TIAM1: variants seen among roughly 807,000 people sequenced by gnomAD.
TIAM1 encodes TIAM Rac1 associated GEF 1, also known as rho guanine nucleotide exchange factor TIAM1.
In TIAM1, 65 loss-of-function variants were observed where a neutral mutation model predicts 163.5. The observed-to-expected ratio is 0.40, with a 90% CI of 0.33 to 0.49. The LOEUF is 0.49. Among genes scored for constraint, TIAM1 ranks in the 20% least tolerant of loss-of-function variants. TIAM1 has a pLI of 0.77. For missense variants in TIAM1, 1,789 were observed against 2,044.7 expected (o/e 0.87, Z 2.41); for synonymous variants, 833 against 810.1 (o/e 1.03, Z -0.48).
chr21:31,507,518 C>A (rs2047073661), intron 1 of TIAM1, among the ~76,000 whole-genome samples: 1 of 151,900 alleles, frequency 6.6e-6, no homozygotes, highest in African/African-American at 2.4e-5. Flanking sequence ...TGTCTGGTCC[C>A]TTTTAAAATT....
Position 31,255,963 on chromosome 21 carries a change from A to C in TIAM1, c.964-3774T>G, listed in dbSNP as rs543943943. ...TTGCCATTCCACTGGCAGCTTCCCCAAAAAATGAATGTATGCACAAGTGGC... is the reference window on the plus strand; with the variant it reads ...TTGCCATTCCACTGGCAGCTTCCCCCAAAAATGAATGTATGCACAAGTGGC... On this transcript the variant is annotated intron_variant, in intron 4 of 27. Transcript: ENST00000541036. Among the ~76,000 whole-genome samples the C allele has an allele frequency of 4.9e-4, 74 of 152,308 alleles. 2 individuals are homozygous for C. In the South Asian group the frequency reaches 0.012, roughly 25 times the overall value.
chr21:31,338,092 C>A (rs931387662), intron 2 of TIAM1, among the ~76,000 whole-genome samples: 2 of 152,130 alleles, frequency 1.3e-5, no homozygotes, highest in Non-Finnish European at 2.9e-5. Context: ...CGTGTCCAGA[C>A]AGCCCTTGAA....
At position 31,395,954 on chromosome 21, in the gene TIAM1, T is replaced by C. The variant is rs1280566235; in HGVS notation, c.-368-56532A>G. 2.0e-5 allele frequency among the ~76,000 whole-genome samples: 3 copies of C among 152,248 alleles called. No individual in the cohort carries two copies. The highest frequency in any genetic ancestry group is 7.2e-5 in the African/African-American group (3 of 41,542). On this transcript the variant is annotated intron_variant, in intron 2 of 28. Transcript: ENST00000286827. This position sits in a 1 kb window ranked among gnomAD's most constrained non-coding sequence, Gnocchi z 7.5. The stretch of plus-strand genomic sequence containing the variant: ...ATCATTCTTCCTCTAGATTTAAAAT[T>C]CAACAGGAACATGGCTTTTTTCCTC...
chr21:31,463,229 G>A (rs868801264), intron 2 of TIAM1, among the ~76,000 whole-genome samples: 2 of 152,294 alleles, frequency 1.3e-5, no homozygotes, highest in Admixed American at 6.5e-5. Flanking sequence ...CCGAAGGGCC[G>A]AGAAGAGCCC....
upstream of TIAM1, chr21:31,559,053 G>A (rs902923360): frequency 6.6e-6 from 1 of 151,938 alleles, no homozygotes; most frequent in African/African-American, 2.4e-5. Flanking sequence ...CGGCGGCGCT[G>A]CTCTGCCGGC....
chr21:31,183,180 G>T (rs780405091), intron 14 of TIAM1, among the ~76,000 whole-genome samples: 1 of 152,194 alleles, frequency 6.6e-6, no homozygotes, highest in Non-Finnish European at 1.5e-5. Context: ...ACAGTTTCAA[G>T]AACCCAATGC....
In TIAM1 at chr21:31,124,405, A is replaced by C. The variant is rs903850125; in HGVS notation, c.4306+117T>G. 191 of 1,422,346 alleles carry C rather than the reference A, an allele frequency of 1.3e-4. 1 individual carries two copies. Among genetic ancestry groups the C allele is most frequent in the Non-Finnish European group, 1.7e-4 (180 of 1,078,628 alleles). The allele number at this position is 1,422,346 out of a possible 1,614,324, so 88.1% of individuals were successfully genotyped here. ...CACACCAGGGAAAAACCGTCCTCCT[A>C]CATCAGCCCCCACCAGGCCACACCT... On this transcript the variant is annotated intron_variant, in intron 27 of 27. Coordinates refer to ENST00000541036, the MANE Select transcript of TIAM1 (RefSeq NM_001353694.2).
At chr21:31,381,389 C>T (rs73195568) in intron 2 of TIAM1, among the ~76,000 whole-genome samples, 18,054 of 152,086 alleles carry the variant, frequency 0.12, 1,267 homozygotes, top group Admixed American at 0.22. Flanking sequence ...GCCAGGCAGC[C>T]GGGCACAGTG....
intron 2 of TIAM1, among the ~76,000 whole-genome samples, chr21:31,401,798 C>G (rs1473106963): frequency 6.6e-6 from 1 of 151,892 alleles, no homozygotes; most frequent in Non-Finnish European, 1.5e-5. Flanking sequence ...GGAACCCTAG[C>G]TACTCAGGGG....
At chr21:31,363,640 T>C (rs1246737727) in intron 2 of TIAM1, among the ~76,000 whole-genome samples, 3 of 152,106 alleles carry the variant, frequency 2.0e-5, no homozygotes, top group African/African-American at 7.2e-5. Flanking sequence ...CAATCCTCCT[T>C]TTCCCTTTTC....
intron 1 of TIAM1, among the ~76,000 whole-genome samples, chr21:31,541,321 G>T (rs1451562726): frequency 6.6e-6 from 1 of 152,072 alleles, no homozygotes; most frequent in Non-Finnish European, 1.5e-5. Flanking sequence ...GCCAGGTGTG[G>T]TGGTGCCCGC....
At chr21:31,524,441 C>T (rs956442390) in intron 1 of TIAM1, among the ~76,000 whole-genome samples, 13 of 152,208 alleles carry the variant, frequency 8.5e-5, no homozygotes, top group African/African-American at 3.1e-4. Flanking sequence ...CAGGCCCCTC[C>T]TCCAACACCG....
In TIAM1 at chr21:31,361,254, A is replaced by T. The variant is rs1336229696; in HGVS notation, c.-368-21832T>A. 2.0e-5 allele frequency among the ~76,000 whole-genome samples: 3 copies of T among 152,356 alleles called. No homozygotes were observed. In the South Asian group the frequency reaches 6.2e-4, roughly 32 times the overall value. On this transcript the variant is annotated intron_variant, in intron 2 of 28. Coordinates refer to the TIAM1 transcript ENST00000286827. ...AAATAAAGCCAGACCCAGAATACTTAATAAAGTATGATTCCACTGATATAC... is the reference window on the plus strand; with the variant it reads ...AAATAAAGCCAGACCCAGAATACTTTATAAAGTATGATTCCACTGATATAC...
chr21:31,226,974 T>G (rs949667658), intron 6 of TIAM1, among the ~76,000 whole-genome samples: 3 of 127,680 alleles, frequency 2.3e-5, no homozygotes, highest in Non-Finnish European at 4.7e-5. Context: ...TTTTTTTTTT[T>G]GAGACAGGGT....
intron 2 of TIAM1, among the ~76,000 whole-genome samples, chr21:31,413,501 ACGT>A (rs2043278867): frequency 1.3e-5 from 2 of 151,122 alleles, no homozygotes; most frequent in Admixed American, 1.3e-4. Context: ...CGATTTCCTG[ACGT>A]CGTGATCCAC....
chr21:31,197,267 T>C (rs1401356771), intron 12 of TIAM1, among the ~76,000 whole-genome samples: 3 of 152,198 alleles, frequency 2.0e-5, no homozygotes, highest in African/African-American at 7.2e-5. Flanking sequence ...AAAAAATTTT[T>C]TAAACAAAAA....
intron 1 of TIAM1, among the ~76,000 whole-genome samples, chr21:31,534,182 C>T (rs995723538): frequency 3.3e-5 from 5 of 152,240 alleles, no homozygotes; most frequent in African/African-American, 4.8e-5. Context: ...GGCGCTGACA[C>T]TAAGCATATT....
intron 1 of TIAM1, among the ~76,000 whole-genome samples, chr21:31,552,477 T>C (rs2048725427): frequency 6.6e-6 from 1 of 152,142 alleles, no homozygotes; most frequent in Admixed American, 6.6e-5. Context: ...GGCTGGATCC[T>C]TAACAAGAAA....
chr21:31,400,934 T>G (rs528325533), intron 2 of TIAM1, among the ~76,000 whole-genome samples: 8 of 151,940 alleles, frequency 5.3e-5, no homozygotes, highest in African/African-American at 1.9e-4. Context: ...CTACTAAAAA[T>G]ACAAAAATTA....
Sources: allele counts gnomAD v4.1 joint callset (sites outside exome capture counted in the v4.1 genomes callset), GRCh38; gene constraint gnomAD v4.1.1; non-coding constraint Gnocchi (gnomAD v3.1); transcripts MANE v1.5; gene names NCBI Gene and HGNC (gene_info 2026-07-23, HGNC 2026-07-21).